The following CELF1 variants were observed in gnomAD, a reference collection of about 807,000 sequenced individuals.
CELF1 encodes 50 kDa nuclear polyadenylated RNA-binding protein.
In CELF1, 10 loss-of-function variants were observed where a neutral mutation model predicts 61.8. That is an observed-to-expected ratio of 0.16 (90% confidence interval 0.10 to 0.27). CELF1 has a LOEUF of 0.27. Among genes scored for constraint, CELF1 ranks in the 10% least tolerant of loss-of-function variants. CELF1 has a pLI of 1.00. For synonymous variants in CELF1, 236 were observed against 225.1 expected (o/e 1.05, Z -0.43); for missense variants, 380 against 639.1 (o/e 0.59, Z 4.37).
intron 1 of CELF1, among the ~76,000 whole-genome samples, chr11:47,530,787 T>A (rs1424561613): frequency 6.6e-6 from 1 of 151,868 alleles, no homozygotes; most frequent in Non-Finnish European, 1.5e-5. Flanking sequence ...GGACCCTGTC[T>A]CTACAAAAAT....
At chr11:47,538,438 T>C (rs1255514201) in intron 1 of CELF1, among the ~76,000 whole-genome samples, 1 of 152,022 alleles carries the variant, frequency 6.6e-6, no homozygotes, top group African/African-American at 2.4e-5. Context: ...GGTCAGTAGA[T>C]CAAGACCATC....
At chr11:47,525,805 C>T (rs746916822) in intron 1 of CELF1, among the ~76,000 whole-genome samples, 38 of 152,076 alleles carry the variant, frequency 2.5e-4, no homozygotes, top group Non-Finnish European at 4.0e-4. Flanking sequence ...AGAGGCTGGC[C>T]TTGATAGCTC....
chr11:47,558,199 G>A (rs1408220200), intron 2 of CELF1, among the ~76,000 whole-genome samples: 1 of 151,886 alleles, frequency 6.6e-6, no homozygotes, highest in Non-Finnish European at 1.5e-5. Context: ...AGGCGGTGCT[G>A]CGAGCGTCAC....
chr11:47,534,588 C>T (rs898745993), intron 1 of CELF1, among the ~76,000 whole-genome samples: 4 of 151,748 alleles, frequency 2.6e-5, no homozygotes, highest in African/African-American at 9.7e-5. Context: ...ATTAGCCGGG[C>T]GTGGTGGTGG....
At chr11:47,553,239 A>C, upstream of CELF1, 2 of 381,200 alleles carry the variant, frequency 5.2e-6, no homozygotes, top group Non-Finnish European at 9.3e-6. Context: ...CGCAGCGCCG[A>C]TGCGAGCGGA....
At chr11:47,543,670 A>G (rs2096864709) in intron 1 of CELF1, among the ~76,000 whole-genome samples, 1 of 152,180 alleles carries the variant, frequency 6.6e-6, no homozygotes, top group Non-Finnish European at 1.5e-5. Flanking sequence ...ACTACTCAGG[A>G]GGCTGAGACA....
chr11:47,531,259 C>T (rs1189840113), intron 1 of CELF1, among the ~76,000 whole-genome samples: 1 of 149,430 alleles, frequency 6.7e-6, no homozygotes, highest in Non-Finnish European at 1.5e-5. Context: ...ACAACAACAA[C>T]AACAACAAAA....
At chr11:47,521,499 G>C (rs1038642261) in intron 1 of CELF1, among the ~76,000 whole-genome samples, 1 of 152,180 alleles carries the variant, frequency 6.6e-6, no homozygotes, top group African/African-American at 2.4e-5. Context: ...CAGTTTTGCT[G>C]CTTACTAGCC....
At chr11:47,485,199 T>G (rs2085979816) in intron 6 of CELF1, among the ~76,000 whole-genome samples, 1 of 152,200 alleles carries the variant, frequency 6.6e-6, no homozygotes, top group South Asian at 2.1e-4. Flanking sequence ...TTCCTCTTTT[T>G]GAGACAAGAG....
At chr11:47,481,435 T>C (rs1345498064) in intron 9 of CELF1, among the ~76,000 whole-genome samples, 1 of 152,078 alleles carries the variant, frequency 6.6e-6, no homozygotes, top group Non-Finnish European at 1.5e-5. Flanking sequence ...CGGCCTAAAC[T>C]GGGATTTCTT....
chr11:47,488,313 G>A (rs1239070514), intron 4 of CELF1, among the ~76,000 whole-genome samples: 7 of 152,128 alleles, frequency 4.6e-5, no homozygotes, highest in South Asian at 2.1e-4. Context: ...TTCACTTTGT[G>A]GCAACAGCAA....
intron 10 of CELF1, 75 bp downstream of exon 10, chr11:47,478,802 A>G (rs1352443933): frequency 1.8e-5 from 22 of 1,224,200 alleles, no homozygotes; most frequent in Non-Finnish European, 2.4e-5. Context: ...AAACGATGCC[A>G]AACTCCCAAG....
chr11:47,541,765 AGAACGAAAGAAAGAAC>A lies in CELF1; in HGVS notation c.-154+11211_-154+11226del, dbSNP rs1565904729. ...ACGAAAGAAAGAAAGAACGAAAGAA[AGAACGAAAGAAAGAAC>A]GAAAGAAAGAACGAAAGAAAGAAAG... On this transcript the variant is annotated intron_variant, in intron 1 of 14. Transcript: ENST00000687097. 3.5e-3 allele frequency among the ~76,000 whole-genome samples: 46 copies of A among 13,288 alleles called. 9 individuals carry two copies. The highest frequency in any genetic ancestry group is 6.7e-3 in the African/African-American group (46 of 6,832). The allele number at this position is 13,288 out of a possible 152,430, so 8.7% of individuals were successfully genotyped here. A position where few individuals can be genotyped will look rare whatever the true frequency, so the allele number is the denominator to read the frequency against.
chr11:47,468,938 C>T lies in CELF1; in HGVS notation c.*3292G>A, dbSNP rs936905937. 6.6e-6 allele frequency: 1 copy of T among 152,138 alleles called. No individual in the cohort carries two copies. The highest frequency in any genetic ancestry group is 2.4e-5 in the African/African-American group (1 of 41,390). The allele number at this position is 152,138 out of a possible 1,614,324, so 9.4% of individuals were successfully genotyped here. A position where few individuals can be genotyped will look rare whatever the true frequency, so the allele number is the denominator to read the frequency against. ...AAAGAGGGAGACCCACTGAGTTACA[C>T]AGAGCAATACATCCAAACAAAGAGA... is the stretch of plus-strand genomic sequence containing the variant. On this transcript the variant is annotated 3_prime_UTR_variant, in exon 15 of 15. Coordinates refer to ENST00000687097, the MANE Select transcript of CELF1 (RefSeq NM_001376376.1).
chr11:47,504,260 G>A (rs181281316), intron 1 of CELF1, among the ~76,000 whole-genome samples: 1 of 152,034 alleles, frequency 6.6e-6, no homozygotes, highest in East Asian at 1.9e-4. Flanking sequence ...GGTGGGGGAG[G>A]GGGGTTAAAG....
intron 3 of CELF1, among the ~76,000 whole-genome samples, chr11:47,496,978 G>T (rs549516213): frequency 6.6e-6 from 1 of 152,268 alleles, no homozygotes; most frequent in Non-Finnish European, 1.5e-5. Context: ...AGATCAGAAG[G>T]CTCTTGCATA....
At chr11:47,560,754 AAAT>A (rs923336428) in intron 2 of CELF1, among the ~76,000 whole-genome samples, 2 of 152,370 alleles carry the variant, frequency 1.3e-5, no homozygotes, top group Non-Finnish European at 2.9e-5. Flanking sequence ...CTGTTCCCAA[AAAT>A]AATGTTAACA....
intron 1 of CELF1, among the ~76,000 whole-genome samples, chr11:47,548,227 C>T (rs114496523): frequency 0.041 from 6,229 of 151,792 alleles, 419 homozygotes; most frequent in African/African-American, 0.14. Context: ...TGAACCAGGG[C>T]GACAGAGATT....
In CELF1 at chr11:47,470,552, C is replaced by T. The variant is rs1284832057; in HGVS notation, c.*1678G>A. On this transcript the variant is annotated 3_prime_UTR_variant, in exon 15 of 15. Coordinates refer to ENST00000687097, the MANE Select transcript of CELF1 (RefSeq NM_001376376.1). ...CAATGGGATAATCCAACACCACCAG[C>T]TACCTGTACAACAGTAAGATGGTCA... The T allele has an allele frequency of 6.6e-6, 1 of 152,204 alleles. No individual in the cohort carries two copies. Among genetic ancestry groups the T allele is most frequent in the Non-Finnish European group, 1.5e-5 (1 of 68,032 alleles). 9.4% of individuals were successfully genotyped at this position (152,204 alleles called of 1,614,324 possible).
Sources: allele counts gnomAD v4.1 joint callset (sites outside exome capture counted in the v4.1 genomes callset), GRCh38; gene constraint gnomAD v4.1.1; transcripts MANE v1.5; gene names NCBI Gene and HGNC (gene_info 2026-07-23, HGNC 2026-07-21).